The following FIRRM variants were observed in gnomAD, a reference collection of about 807,000 sequenced individuals.
The protein encoded by FIRRM is FIGNL1-interacting regulator of recombination and mitosis.
At chr1:169,786,464 T>C in the FIRRM span, among the ~76,000 whole-genome samples, 1 of 152,068 alleles carries the variant, frequency 6.6e-6, no homozygotes, top group Non-Finnish European at 1.5e-5. Flanking sequence ...GCAATGATAA[T>C]AAAAAAGCTG....
At chr1:169,792,119 T>TA in the FIRRM span, among the ~76,000 whole-genome samples, 9 of 152,312 alleles carry the variant, frequency 5.9e-5, no homozygotes, top group Non-Finnish European at 1.0e-4. Flanking sequence ...TGATCCTTAC[T>TA]ATACAAGGTA....
chr1:169,795,943 C>T, the FIRRM span: 1 of 985,314 alleles, frequency 1.0e-6, no homozygotes, highest in African/African-American at 1.7e-5. Context: ...GGTCTCATGC[C>T]TTTGTGGTTG....
At chr1:169,837,954 G>A in the FIRRM span, among the ~76,000 whole-genome samples, 9,919 of 152,018 alleles carry the variant, frequency 0.065, 429 homozygotes, top group Non-Finnish European at 0.099. Flanking sequence ...ATTTTTTGGC[G>A]GGGATGAGGT....
the FIRRM span, chr1:169,793,524 C>A: frequency 6.2e-7 from 1 of 1,614,164 alleles, no homozygotes; most frequent in Non-Finnish European, 8.5e-7. Context: ...CACAAGTGAT[C>A]CTGAGGCAAG....
chr1:169,787,801 T>C, the FIRRM span, among the ~76,000 whole-genome samples: 4 of 152,228 alleles, frequency 2.6e-5, no homozygotes, highest in Non-Finnish European at 4.4e-5. Context: ...CACCAAATCA[T>C]TGTGAGAAGG....
At chr1:169,803,241 T>C in the FIRRM span, 3 of 1,613,904 alleles carry the variant, frequency 1.9e-6, no homozygotes, top group Admixed American at 1.7e-5. Flanking sequence ...ATCCATCATT[T>C]TGGAAAATAT....
At chr1:169,842,686 A>G in the FIRRM span, 5 of 858,558 alleles carry the variant, frequency 5.8e-6, no homozygotes, top group Non-Finnish European at 8.7e-6. Context: ...AAGTACCTGT[A>G]CTCTCTCACG....
chr1:169,840,403 C>G, the FIRRM span, among the ~76,000 whole-genome samples: 1 of 152,052 alleles, frequency 6.6e-6, no homozygotes, highest in East Asian at 1.9e-4. Flanking sequence ...TTTCTTTTAG[C>G]AATGTTTTAT....
chr1:169,823,250 CAAAA>C, the FIRRM span, among the ~76,000 whole-genome samples: 1 of 108,362 alleles, frequency 9.2e-6, no homozygotes, highest in Non-Finnish European at 1.9e-5. Context: ...AACGCTATCT[CAAAA>C]AAAAAAAAAG....
the FIRRM span, among the ~76,000 whole-genome samples, chr1:169,840,561 A>C: frequency 1.5e-4 from 22 of 146,132 alleles, no homozygotes; most frequent in Admixed American, 1.0e-3. Context: ...CTCAGGCTGG[A>C]GTGCAGTGGT....
At chr1:169,803,938 AT>A in the FIRRM span, 1 of 486,524 alleles carries the variant, frequency 2.1e-6, no homozygotes, top group East Asian at 3.4e-5. Context: ...AGCACACTAT[AT>A]TTAATGGATG....
chr1:169,836,957 G>C, the FIRRM span: 1 of 1,610,228 alleles, frequency 6.2e-7, no homozygotes, highest in Non-Finnish European at 8.5e-7. Flanking sequence ...TTCCCCAAAA[G>C]AAGCAGAAAA....
the FIRRM span, among the ~76,000 whole-genome samples, chr1:169,814,456 G>A: frequency 3.3e-5 from 5 of 152,166 alleles, no homozygotes; most frequent in African/African-American, 4.8e-5. Flanking sequence ...TGCTGTTACT[G>A]TGAAAAGTGT....
At chr1:169,852,916 C>T in the FIRRM span, 2 of 1,614,144 alleles carry the variant, frequency 1.2e-6, no homozygotes, top group Middle Eastern at 3.3e-4. Context: ...TCCAGCCTGG[C>T]TTTCAATGGA....
chr1:169,836,862 C>T, the FIRRM span: 1 of 1,214,112 alleles, frequency 8.2e-7, no homozygotes, highest in African/African-American at 1.5e-5. Context: ...TAATACTTAG[C>T]TTTTGTGTAT....
chr1:169,853,763 C>T, the FIRRM span: 2 of 1,613,900 alleles, frequency 1.2e-6, no homozygotes, highest in Non-Finnish European at 1.7e-6. Flanking sequence ...TCCCAGCCTT[C>T]AGCCTCTCCC....
the FIRRM span, among the ~76,000 whole-genome samples, chr1:169,842,157 G>A: frequency 4.0e-5 from 6 of 150,566 alleles, no homozygotes; most frequent in East Asian, 1.9e-4. Context: ...GCCTGGTGAC[G>A]GAGTGAGATG....
the FIRRM span, among the ~76,000 whole-genome samples, chr1:169,790,863 A>C: frequency 1.3e-5 from 2 of 152,214 alleles, no homozygotes; most frequent in Non-Finnish European, 2.9e-5. Context: ...CTAGGTTAGC[A>C]GTCCCCAACC....
chr1:169,841,114 T>C, the FIRRM span, among the ~76,000 whole-genome samples: 1 of 152,182 alleles, frequency 6.6e-6, no homozygotes, highest in Non-Finnish European at 1.5e-5. Context: ...ATTATTTCGA[T>C]GTATGTTCTT....
Sources: allele counts gnomAD v4.1 joint callset (sites outside exome capture counted in the v4.1 genomes callset), GRCh38; gene constraint gnomAD v4.1.1; transcripts MANE v1.5; gene names NCBI Gene and HGNC (gene_info 2026-07-23, HGNC 2026-07-21).